Variants in PLXNB1 observed in about 807,000 individuals in gnomAD.
PLXNB1 encodes the protein plexin-B1.
A neutral mutation model predicts 209.4 loss-of-function variants in PLXNB1; 106 were observed. The observed-to-expected ratio is 0.51, with a 90% CI of 0.43 to 0.59. The LOEUF is 0.59. Ranked by LOEUF, PLXNB1 falls within the 20% of genes least tolerant of loss-of-function variation. The pLI is 0.00. For synonymous variants in PLXNB1, 1,167 were observed against 1,183.2 expected (o/e 0.99, Z 0.28); for missense variants, 2,357 against 2,853.2 (o/e 0.83, Z 3.96).
In PLXNB1 at chr3:48,413,732, C is replaced by T; in HGVS notation, c.4473G>A (p.Val1491=). Residue 1491 remains valine, a synonymous_variant, in exon 23 of 38, where the codon GTG becomes GTA. Transcript: ENST00000296440. The surrounding 1 kb of genome is among the most constrained non-coding windows in gnomAD (Gnocchi z 5.4). ...GAAGAGAGGTGCCCACCCCCAAGCC[C>T]ACCTGGGCTGCCACAGGAAAAGCCC... ...SPGAFPVAAQ[V]GLGVGTSLLA... 6.2e-7 allele frequency: 1 copy of T among 1,613,734 alleles called. No homozygotes were observed. Among genetic ancestry groups the T allele is most frequent in the South Asian group, 1.1e-5 (1 of 91,070 alleles).
rs1468550868 is a variant in PLXNB1 at position 48,420,707 on chromosome 3, G to A, written c.1986C>T (p.His662=). 1.9e-6 allele frequency: 3 copies of A among 1,614,082 alleles called. No individual in the cohort carries two copies. The highest frequency in any genetic ancestry group is 1.7e-6 in the Non-Finnish European group (2 of 1,179,998). ...NWCVWQHLCT[H]KASCDAGPMV... ...TGGGCCCAGCATCACACGAGGCCTT[G>A]TGGGTGCACAGGTGCTGCCAGACAC... Residue 662 remains histidine (H), a synonymous_variant, in exon 10 of 38, where the codon CAC becomes CAT. Transcript: ENST00000296440.
Position 48,412,592 on chromosome 3 carries a change from G to C in PLXNB1, c.4883C>G (p.Thr1628Ser). ...GTAGGCACGGTCCCGAGCTGAAAAGGTGCGCTGGCTCTCCAGCGTGTGGAT... is the reference window on the plus strand; with the variant it reads ...GTAGGCACGGTCCCGAGCTGAAAAGCTGCGCTGGCTCTCCAGCGTGTGGAT... ...KFIHTLESQR[T>S]FSARDRAYVA... is the part of the protein sequence containing the mutation. Residue 1628 changes from threonine to serine, a missense_variant, in exon 26 of 38, where the codon ACC becomes AGC. By Grantham distance (58) the Thr-to-Ser change is moderately conservative. This residue lies in a region of PLXNB1 where 743 missense variants were observed against 896.2 expected (regional missense o/e 0.83). Transcript: ENST00000296440. 3.1e-6 allele frequency: 5 copies of C among 1,613,592 alleles called. No homozygotes were observed. The highest frequency in any genetic ancestry group is 1.6e-4 in the Middle Eastern group (1 of 6,062).
At chr3:48,421,962 CA>C in intron 6 of PLXNB1, 142 bp downstream of exon 6, 1 of 1,325,088 alleles carries the variant, frequency 7.5e-7, no homozygotes, top group South Asian at 1.4e-5. Context: ...ATGCCCAGTG[CA>C]GAGGATGGGG....
Position 48,416,900 on chromosome 3 carries a change from G to A in PLXNB1, c.3375-449C>T, listed in dbSNP as rs532249236. 12 of 153,696 alleles carry A rather than the reference G, an allele frequency of 7.8e-5. No individual in the cohort carries two copies. Among genetic ancestry groups the A allele is most frequent in the African/African-American group, 2.9e-4 (12 of 41,616 alleles). The allele number at this position is 153,696 out of a possible 1,614,324, so 9.5% of individuals were successfully genotyped here. ...CCTCTAGTCAGACAGGGAAATACAG[G>A]TGAAGGGAAAGTGAACCATCTAAGA... On this transcript the variant is annotated intron_variant, in intron 16 of 37. Transcript: ENST00000296440. This position sits in a 1 kb window ranked among gnomAD's most constrained non-coding sequence, Gnocchi z 4.1.
Position 48,409,794 on chromosome 3 carries a change from C to G in PLXNB1, c.5779-63G>C. On this transcript the variant is annotated intron_variant, in intron 32 of 37. Transcript: ENST00000296440. This position sits in a 1 kb window ranked among gnomAD's most constrained non-coding sequence, Gnocchi z 5.8. ...AGGGCCCTCAGCAGCAGCCCAGCCT[C>G]AGACACCCCCCGGCACTGTGCCTGC... 6.3e-7 allele frequency: 1 copy of G among 1,588,580 alleles called. No homozygotes were observed. The highest frequency in any genetic ancestry group is 8.6e-7 in the Non-Finnish European group (1 of 1,163,864).
In PLXNB1 at chr3:48,410,106, C is replaced by G. The variant is rs1177989088; in HGVS notation, c.5606-29G>C. 5 of 1,549,394 alleles carry G rather than the reference C, an allele frequency of 3.2e-6. No individual in the cohort carries two copies. The highest frequency in any genetic ancestry group is 1.4e-5 in the African/African-American group (1 of 73,210). ...TGCCAAGAGCCCACAGCTGTCACCC[C>G]TCCCCAGGTGCCACCTCCCCAGGCC... On this transcript the variant is annotated intron_variant, in intron 31 of 37. Coordinates refer to ENST00000296440, the MANE Select transcript of PLXNB1 (RefSeq NM_001130082.3). This position sits in a 1 kb window ranked among gnomAD's most constrained non-coding sequence, Gnocchi z 6.4.
At chr3:48,404,782 G>A (rs1022547019) in intron 37 of PLXNB1, among the ~76,000 whole-genome samples, 192 bp from the exon 38 acceptor site, 9 of 152,208 alleles carry the variant, frequency 5.9e-5, no homozygotes, top group South Asian at 2.1e-4. Context: ...AAGTCACCGC[G>A]GGGTTCCAGG....
rs959858225 is a variant in PLXNB1 at position 48,412,567 on chromosome 3, G to A, written c.4908C>T (p.Tyr1636=). The A allele has an allele frequency of 4.3e-6, 7 of 1,613,490 alleles. No individual in the cohort carries two copies. Among genetic ancestry groups the A allele is most frequent in the South Asian group, 1.1e-5 (1 of 91,094 alleles). Residue 1636 remains tyrosine, a synonymous_variant, in exon 26 of 38, where the codon TAC becomes TAT. Coordinates refer to ENST00000296440, the MANE Select transcript of PLXNB1 (RefSeq NM_001130082.3). ...QRTFSARDRA[Y]VASLLTVALH... The stretch of plus-strand genomic sequence containing the variant: ...GTGCCACGGTGAGCAGAGATGCCAC[G>A]TAGGCACGGTCCCGAGCTGAAAAGG...
At position 48,421,656 on chromosome 3, in the gene PLXNB1, G is replaced by C; in HGVS notation, c.1653+18C>G. On this transcript the variant is annotated intron_variant, in intron 7 of 37. Coordinates refer to ENST00000296440, the MANE Select transcript of PLXNB1 (RefSeq NM_001130082.3). ...CCAGAGCCCTCCCCACCAGGGCCCT[G>C]CCTATCTGATCATTCACCTCCCTCG... 1 of 1,585,870 alleles carries C rather than the reference G, an allele frequency of 6.3e-7. No homozygotes were observed. The highest frequency in any genetic ancestry group is 8.6e-7 in the Non-Finnish European group (1 of 1,158,768).
Position 48,420,956 on chromosome 3 carries a change from T to A in PLXNB1, c.1811A>T (p.Asp604Val), listed in dbSNP as rs1206100832. Residue 604 changes from aspartate to valine, a missense_variant and splice_region_variant, in exon 9 of 38, where the codon GAC becomes GTC. Physicochemically the swap from Asp to Val is radical, Grantham distance 152 (BLOSUM62 -3). Coordinates refer to ENST00000296440, the MANE Select transcript of PLXNB1 (RefSeq NM_001130082.3). ...GAGCTCCACGCTCACGGATACGTAGTCTGCAGAGGGGGAGAGAGGGCCAGG... is the reference window on the plus strand; with the variant it reads ...GAGCTCCACGCTCACGGATACGTAGACTGCAGAGGGGGAGAGAGGGCCAGG... The part of the protein sequence containing the change: ...SEAPVLPRGA[D>V]YVSVSVELRF... 1 of 1,611,430 alleles carries A rather than the reference T, an allele frequency of 6.2e-7. No homozygotes were observed. Among genetic ancestry groups the A allele is most frequent in the Non-Finnish European group, 8.5e-7 (1 of 1,177,930 alleles).
At chr3:48,421,553 G>A in intron 7 of PLXNB1, 121 bp downstream of exon 7, 1 of 1,216,862 alleles carries the variant, frequency 8.2e-7, no homozygotes. Context: ...GCTCCTAAAA[G>A]AAGTGACTTG....
Position 48,406,950 on chromosome 3 carries a change from T to C in PLXNB1, c.6153-52A>G, listed in dbSNP as rs1299037735. 1 of 1,608,150 alleles carries C rather than the reference T, an allele frequency of 6.2e-7. No individual in the cohort carries two copies. The highest frequency in any genetic ancestry group is 8.5e-7 in the Non-Finnish European group (1 of 1,174,902). ...TGCTGGGTAAACAAGCCCACTCCCCTGCTCCCAACCAGAGCCCACCCCCCA... is the reference window on the plus strand; with the variant it reads ...TGCTGGGTAAACAAGCCCACTCCCCCGCTCCCAACCAGAGCCCACCCCCCA... On this transcript the variant is annotated intron_variant, in intron 35 of 37. Coordinates refer to ENST00000296440, the MANE Select transcript of PLXNB1 (RefSeq NM_001130082.3). The surrounding 1 kb of genome is among the most constrained non-coding windows in gnomAD (Gnocchi z 4.4).
In PLXNB1 at chr3:48,416,787, G is replaced by A. The variant is rs915167706; in HGVS notation, c.3375-336C>T. The stretch of plus-strand genomic sequence containing the variant: ...AGCAAGTGAGTGGGCACAGCTAGCC[G>A]CCCATGTCCTCCGCCACGTCACATG... On this transcript the variant is annotated intron_variant, in intron 16 of 37. Transcript: ENST00000296440. This position sits in a 1 kb window ranked among gnomAD's most constrained non-coding sequence, Gnocchi z 4.1. 1.8e-5 allele frequency: 4 copies of A among 219,618 alleles called. No individual in the cohort carries two copies. The highest frequency in any genetic ancestry group is 1.7e-4 in the Admixed American group (3 of 17,334). 13.6% of individuals were successfully genotyped at this position (219,618 alleles called of 1,614,324 possible). A position where few individuals can be genotyped will look rare whatever the true frequency, so the allele number is the denominator to read the frequency against.
In PLXNB1 at chr3:48,418,491, G is replaced by A. The variant is rs771902026; in HGVS notation, c.3007C>T (p.Arg1003Trp). 8.1e-5 allele frequency: 131 copies of A among 1,612,224 alleles called. No individual in the cohort carries two copies. Among genetic ancestry groups the A allele is most frequent in the Middle Eastern group, 3.3e-4 (2 of 6,078 alleles). Reference protein sequence around the residue: ...PELRVGLFLRRAGRLRVDSAE... With the variant: ...PELRVGLFLRWAGRLRVDSAE... ...CTGTCCACACGCAGACGGCCGGCCC[G>A]ACGCAGAAACAGCCCCACACGGAGC... Residue 1003 changes from arginine to tryptophan, a missense_variant, in exon 14 of 38, where the codon CGG becomes TGG. This residue lies in a region of PLXNB1 where 743 missense variants were observed against 896.2 expected (regional missense o/e 0.83). Transcript: ENST00000296440. This position sits in a 1 kb window ranked among gnomAD's most constrained non-coding sequence, Gnocchi z 6.6.
intron 3 of PLXNB1, 72 bp from the exon 4 acceptor site, chr3:48,423,019 C>T (rs539342569): frequency 1.5e-6 from 2 of 1,370,040 alleles, no homozygotes; most frequent in South Asian, 2.6e-5. Context: ...CCTGGACAAC[C>T]TCATTCCCTC....
chr3:48,404,413 G>A lies in PLXNB1; in HGVS notation c.*73C>T, dbSNP rs2037187050. ...TCAGTCACTACAGGCACCTAAGAAG[G>A]TGGCCTCTCCTCCGAGCTTCCAGGG... On this transcript the variant is annotated 3_prime_UTR_variant, in exon 38 of 38. Coordinates refer to ENST00000296440, the MANE Select transcript of PLXNB1 (RefSeq NM_001130082.3). 1.3e-5 allele frequency: 12 copies of A among 890,290 alleles called. No individual in the cohort carries two copies. The highest frequency in any genetic ancestry group is 1.3e-4 in the Admixed American group (6 of 47,082). 55.1% of individuals were successfully genotyped at this position (890,290 alleles called of 1,614,324 possible).
At chr3:48,425,037 G>A (rs1477327103) in intron 2 of PLXNB1, among the ~76,000 whole-genome samples, 2 of 152,202 alleles carry the variant, frequency 1.3e-5, no homozygotes, top group African/African-American at 4.8e-5. Context: ...CCGGGCAGAA[G>A]AAGGAAGGAG....
chr3:48,419,188 G>C lies in PLXNB1; in HGVS notation c.2832+56C>G. 6.5e-7 allele frequency: 1 copy of C among 1,549,476 alleles called. No individual in the cohort carries two copies. Among genetic ancestry groups the C allele is most frequent in the East Asian group, 2.3e-5 (1 of 44,132 alleles). ...CCTCCTGCTCCCCAGGGCTTGTGCA[G>C]AGTTTCTCAACAGCTAAGGAGGCTG... On this transcript the variant is annotated intron_variant, in intron 12 of 37. Coordinates refer to ENST00000296440, the MANE Select transcript of PLXNB1 (RefSeq NM_001130082.3). This position sits in a 1 kb window ranked among gnomAD's most constrained non-coding sequence, Gnocchi z 5.7.
rs967876894 is a variant in PLXNB1, at chr3:48,423,494, C to A, written c.1107+11G>T. On this transcript the variant is annotated intron_variant, in intron 3 of 37. Transcript: ENST00000296440. ...AGAGAGGCGGAAAAGTGGGGCAATA[C>A]TGGAACTCACCACTGGCAGCTGTGC... 3.1e-6 allele frequency: 5 copies of A among 1,607,648 alleles called. No homozygotes were observed. The highest frequency in any genetic ancestry group is 3.3e-5 in the Admixed American group (2 of 59,880).
Sources: allele counts gnomAD v4.1 joint callset (sites outside exome capture counted in the v4.1 genomes callset), GRCh38; gene constraint gnomAD v4.1.1; regional missense constraint gnomAD v4.1.1; non-coding constraint Gnocchi (gnomAD v3.1); transcripts MANE v1.5; gene names NCBI Gene and HGNC (gene_info 2026-07-23, HGNC 2026-07-21).